SYT13: variants seen among roughly 807,000 people sequenced by gnomAD.
The protein encoded by SYT13 is synaptotagmin 13.
A neutral mutation model predicts 38.6 loss-of-function variants in SYT13; 21 were observed. That is an observed-to-expected ratio of 0.54 (90% CI 0.39 to 0.78). The LOEUF (loss-of-function observed/expected upper bound fraction) is 0.78. Among genes scored for constraint, SYT13 ranks in the 30% least tolerant of loss-of-function variants. The pLI is 0.00. For missense variants in SYT13, 495 were observed against 548.7 expected, an observed-to-expected ratio of 0.90 and a Z score of 0.98; for synonymous variants, 241 against 237.6, an observed-to-expected ratio of 1.01 and a Z score of -0.13.
At chr11:45,276,719 A>G (rs900760800) in intron 1 of SYT13, among the ~76,000 whole-genome samples, 6 of 136,530 alleles carry the variant, frequency 4.4e-5, no homozygotes, top group African/African-American at 8.0e-5. Context: ...TTTTAAAAAA[A>G]AAAAATAAAT....
At chr11:45,267,431 G>C (rs1393770212) in intron 1 of SYT13, among the ~76,000 whole-genome samples, 1 of 152,158 alleles carries the variant, frequency 6.6e-6, no homozygotes, top group Non-Finnish European at 1.5e-5. Flanking sequence ...ACGTGCATCA[G>C]CTTCATTTGG....
chr11:45,260,086 T>C (rs1454871098), intron 1 of SYT13, among the ~76,000 whole-genome samples: 1 of 152,212 alleles, frequency 6.6e-6, no homozygotes, highest in East Asian at 1.9e-4. Flanking sequence ...GACCCTGGTG[T>C]AGAGAAACTG....
At chr11:45,246,362 A>G (rs780094295) in intron 5 of SYT13, 21 bp downstream of exon 5, 2 of 1,611,870 alleles carry the variant, frequency 1.2e-6, no homozygotes, top group Non-Finnish European at 1.7e-6. Context: ...GGCCTTGGCC[A>G]TCCTCTCACA....
intron 1 of SYT13, among the ~76,000 whole-genome samples, chr11:45,272,561 C>A (rs1854962218): frequency 6.6e-6 from 1 of 152,190 alleles, no homozygotes; most frequent in Non-Finnish European, 1.5e-5. Flanking sequence ...ATCCATAGAT[C>A]TAGCTGTTCC....
At chr11:45,261,508 G>A (rs927268613) in intron 1 of SYT13, among the ~76,000 whole-genome samples, 15 of 152,002 alleles carry the variant, frequency 9.9e-5, no homozygotes, top group Admixed American at 3.3e-4. Context: ...TAAGGCAGAA[G>A]AATGGCGTGA....
At chr11:45,256,223 T>G (rs942169354) in intron 1 of SYT13, among the ~76,000 whole-genome samples, 2 of 152,096 alleles carry the variant, frequency 1.3e-5, no homozygotes, top group African/African-American at 4.8e-5. Flanking sequence ...CTCTTCCTTC[T>G]CCCTTCTCCC....
At chr11:45,284,172 T>C (rs1220973478) in intron 1 of SYT13, among the ~76,000 whole-genome samples, 1 of 152,144 alleles carries the variant, frequency 6.6e-6, no homozygotes, top group Admixed American at 6.5e-5. Context: ...AGAAAGAAAC[T>C]GGCATGAGCT....
At chr11:45,271,340 C>T (rs1854946887) in intron 1 of SYT13, among the ~76,000 whole-genome samples, 1 of 152,218 alleles carries the variant, frequency 6.6e-6, no homozygotes, top group South Asian at 2.1e-4. Context: ...TAAGGAGGAA[C>T]TCTTCATTGT....
chr11:45,240,557 C>A lies in SYT13; in HGVS notation c.*3495G>T, dbSNP rs542778243. On this transcript the variant is annotated 3_prime_UTR_variant, in exon 6 of 6. Transcript: ENST00000020926. ...GGACCCTGAATAACTGGTCTCCTAG[C>A]TGATTCTCTGTGCCCAGCTTTGTTT... 6.6e-6 allele frequency: 1 copy of A among 152,406 alleles called. No individual in the cohort carries two copies. Among genetic ancestry groups the A allele is most frequent in the South Asian group, 2.1e-4 (1 of 4,822 alleles). The allele number at this position is 152,406 out of a possible 1,614,324, so 9.4% of individuals were successfully genotyped here.
chr11:45,258,905 C>T (rs1565383740), intron 1 of SYT13, among the ~76,000 whole-genome samples: 1 of 152,200 alleles, frequency 6.6e-6, no homozygotes, highest in Non-Finnish European at 1.5e-5. Flanking sequence ...TTCAATATCT[C>T]ATATAACTCT....
At chr11:45,248,241 G>A (rs1443583824) in intron 4 of SYT13, among the ~76,000 whole-genome samples, 1 of 152,210 alleles carries the variant, frequency 6.6e-6, no homozygotes, top group Non-Finnish European at 1.5e-5. Flanking sequence ...AACACTGTGT[G>A]TGAAGTGCAA....
chr11:45,282,714 T>C (rs2863183), intron 1 of SYT13, among the ~76,000 whole-genome samples: 65,353 of 152,130 alleles, frequency 0.43, 16,048 homozygotes, highest in Non-Finnish European at 0.56. Flanking sequence ...ATGGTTTTTG[T>C]TGCTATTCCT....
Position 45,243,865 on chromosome 11 carries a change from G to C in SYT13, c.*187C>G. ...CAAAATGCATTCCTCAGTGTGACCC[G>C]CATATTCCATTTCCTGCTCTGTCTT... On this transcript the variant is annotated 3_prime_UTR_variant, in exon 6 of 6. Transcript: ENST00000020926. 1 of 624,998 alleles carries C rather than the reference G, an allele frequency of 1.6e-6. No homozygotes were observed. The highest frequency in any genetic ancestry group is 3.0e-5 in the Admixed American group (1 of 32,974). The allele number at this position is 624,998 out of a possible 1,614,324, so 38.7% of individuals were successfully genotyped here.
chr11:45,269,098 G>C (rs564408973), intron 1 of SYT13, among the ~76,000 whole-genome samples: 33 of 152,222 alleles, frequency 2.2e-4, no homozygotes, highest in African/African-American at 7.7e-4. Flanking sequence ...AGCTGCAGGA[G>C]GTTTCATAGA....
At chr11:45,264,221 T>C (rs1200588983) in intron 1 of SYT13, among the ~76,000 whole-genome samples, 1 of 152,208 alleles carries the variant, frequency 6.6e-6, no homozygotes, top group East Asian at 1.9e-4. Context: ...AGAGCCACCA[T>C]GGTAGGTGCC....
chr11:45,261,612 G>C (rs144361578), intron 1 of SYT13, among the ~76,000 whole-genome samples: 2,299 of 144,698 alleles, frequency 0.016, 46 homozygotes, highest in African/African-American at 0.049. Context: ...AAAAAGAAAA[G>C]AAAACAAAAG....
chr11:45,281,048 T>C (rs1207683881), intron 1 of SYT13, among the ~76,000 whole-genome samples: 2 of 151,970 alleles, frequency 1.3e-5, no homozygotes, highest in Non-Finnish European at 2.9e-5. Context: ...TACAAAAGAT[T>C]AGCCGGGCAT....
At chr11:45,247,116 C>T (rs1854623120) in intron 4 of SYT13, among the ~76,000 whole-genome samples, 2 of 152,218 alleles carry the variant, frequency 1.3e-5, no homozygotes, top group South Asian at 4.1e-4. Flanking sequence ...GGTGCTGATG[C>T]CCCTGTGAGG....
At chr11:45,262,656 G>A (rs973327071) in intron 1 of SYT13, among the ~76,000 whole-genome samples, 7 of 151,666 alleles carry the variant, frequency 4.6e-5, no homozygotes, top group South Asian at 2.1e-4. Flanking sequence ...AACCCGGGAG[G>A]TGAAGGCTGT....
Sources: gnomAD v4.1 joint callset for allele counts (sites outside exome capture counted in the v4.1 genomes callset) on GRCh38, gnomAD v4.1.1 for gene constraint, MANE v1.5 for transcripts, NCBI Gene and HGNC (gene_info 2026-07-23, HGNC 2026-07-21) for gene names.